The following HDAC9 variants were observed in gnomAD, a reference collection of about 807,000 sequenced individuals.
HDAC9 encodes MEF-2 interacting transcription repressor (MITR) protein.
A neutral mutation model predicts 139.4 loss-of-function variants in HDAC9; 41 were observed. The observed-to-expected ratio is 0.29, with a 90% CI of 0.23 to 0.38. The LOEUF is 0.38. Ranked by LOEUF, HDAC9 falls within the 10% of genes least tolerant of loss-of-function variation. The pLI, the probability that HDAC9 is intolerant of heterozygous loss-of-function variation, is 1.00. For synonymous variants in HDAC9, 517 were observed against 476.2 expected (o/e 1.09, Z -1.12); for missense variants, 1,147 against 1,297.0 (o/e 0.88, Z 1.78).
chr7:18,743,008 A>G (rs1445919161), intron 13 of HDAC9, among the ~76,000 whole-genome samples: 1 of 152,228 alleles, frequency 6.6e-6, no homozygotes, highest in Non-Finnish European at 1.5e-5. Context: ...ATAGTAAATC[A>G]TGTTCACTGA....
intron 1 of HDAC9, among the ~76,000 whole-genome samples, chr7:18,115,629 T>A (rs1783929420): frequency 6.6e-6 from 1 of 152,224 alleles, no homozygotes; most frequent in South Asian, 2.1e-4. Flanking sequence ...TTCAAATCGG[T>A]TATTTGACCA....
intron 14 of HDAC9, among the ~76,000 whole-genome samples, chr7:18,754,559 T>C (rs1207253914): frequency 3.3e-5 from 5 of 152,144 alleles, no homozygotes; most frequent in Non-Finnish European, 7.4e-5. Context: ...TGCGTTGCCT[T>C]TTTGTGACTA....
chr7:18,200,581 C>T (rs1028536893), intron 2 of HDAC9, among the ~76,000 whole-genome samples: 12 of 152,106 alleles, frequency 7.9e-5, no homozygotes, highest in African/African-American at 2.9e-4. Context: ...CCCTAAAAGC[C>T]GTAATTCATC....
At chr7:18,698,443 C>T (rs1227233353) in intron 12 of HDAC9, among the ~76,000 whole-genome samples, 2 of 152,092 alleles carry the variant, frequency 1.3e-5, no homozygotes, top group Non-Finnish European at 2.9e-5. Flanking sequence ...TACAAATAGC[C>T]CTGGGGAGCT....
At chr7:18,985,350 G>A (rs150632468) in intron 25 of HDAC9, among the ~76,000 whole-genome samples, 1 of 152,048 alleles carries the variant, frequency 6.6e-6, no homozygotes, top group Non-Finnish European at 1.5e-5. Flanking sequence ...ATAGTTTACT[G>A]AGAATGATGT....
chr7:18,755,322 A>T (rs1788782782), intron 14 of HDAC9, among the ~76,000 whole-genome samples: 1 of 152,196 alleles, frequency 6.6e-6, no homozygotes, highest in Non-Finnish European at 1.5e-5. Flanking sequence ...GAAAGAATTA[A>T]TGTGGAAAAC....
chr7:18,124,424 C>T (rs1203201844), intron 1 of HDAC9, among the ~76,000 whole-genome samples: 1 of 152,148 alleles, frequency 6.6e-6, no homozygotes, highest in African/African-American at 2.4e-5. Flanking sequence ...TTGTTTATTC[C>T]TCAGTTTATT....
chr7:18,733,889 T>C (rs893741665), intron 13 of HDAC9, among the ~76,000 whole-genome samples: 2 of 152,166 alleles, frequency 1.3e-5, no homozygotes, highest in African/African-American at 4.8e-5. Context: ...CGTTTCTTTG[T>C]GGGAAGCCTG....
intron 21 of HDAC9, among the ~76,000 whole-genome samples, chr7:18,859,305 T>C (rs1343265761): frequency 6.6e-6 from 1 of 152,150 alleles, no homozygotes; most frequent in African/African-American, 2.4e-5. Flanking sequence ...ATAAACTATT[T>C]TTTTAGTTTT....
intron 1 of HDAC9, among the ~76,000 whole-genome samples, chr7:18,343,785 C>T (rs1554382392): frequency 6.6e-6 from 1 of 151,728 alleles, no homozygotes; most frequent in Non-Finnish European, 1.5e-5. Context: ...CTCAAGAAAA[C>T]ATTATTTTCT....
intron 1 of HDAC9, among the ~76,000 whole-genome samples, chr7:18,097,085 A>T (rs1429511956): frequency 6.6e-6 from 1 of 152,208 alleles, no homozygotes; most frequent in Non-Finnish European, 1.5e-5. Flanking sequence ...AATTTAGCAA[A>T]TGTGGCCAAT....
intron 21 of HDAC9, among the ~76,000 whole-genome samples, chr7:18,862,296 C>A (rs1798168903): frequency 6.6e-6 from 1 of 151,980 alleles, no homozygotes; most frequent in African/African-American, 2.4e-5. Context: ...AAAAAGTGTC[C>A]CTTTGGTGTA....
chr7:18,403,737 G>A (rs1174598155), intron 1 of HDAC9, among the ~76,000 whole-genome samples: 1 of 152,214 alleles, frequency 6.6e-6, no homozygotes, highest in Non-Finnish European at 1.5e-5. Flanking sequence ...GGCAAAAACA[G>A]TTCTTGCCTT....
chr7:18,371,964 A>T (rs540890381), intron 1 of HDAC9, among the ~76,000 whole-genome samples: 122 of 152,348 alleles, frequency 8.0e-4, no homozygotes, highest in African/African-American at 2.9e-3. Flanking sequence ...GTAATGACAG[A>T]TCTTATGCTA....
chr7:18,418,400 T>A lies in HDAC9; in HGVS notation c.-41-77862T>A, dbSNP rs576265548. Among the ~76,000 whole-genome samples, 289 of 108,218 alleles carry A rather than the reference T, an allele frequency of 2.7e-3. 1 individual carries two copies. Among genetic ancestry groups the A allele is most frequent in the South Asian group, 0.019 (63 of 3,392 alleles). 71.0% of individuals were successfully genotyped at this position (108,218 alleles called of 152,430 possible). ...CAGAAAATAAAAACTTGCCTTTTTT[T>A]AAAAATTGGAAAAGTATACAAACCA... is the stretch of plus-strand genomic sequence containing the variant. On this transcript the variant is annotated intron_variant, in intron 1 of 3. Transcript: ENST00000413509.
chr7:18,559,370 T>C (rs1011071563), intron 2 of HDAC9, among the ~76,000 whole-genome samples: 5 of 152,304 alleles, frequency 3.3e-5, no homozygotes, highest in South Asian at 2.1e-4. Context: ...GTTTATACTT[T>C]AGATTTCTCA....
intron 17 of HDAC9, among the ~76,000 whole-genome samples, chr7:18,817,708 G>A (rs949216169): frequency 1.3e-5 from 2 of 152,122 alleles, no homozygotes; most frequent in African/African-American, 4.8e-5. Context: ...AAGATGATTG[G>A]GAGGTTAGAA....
intron 1 of HDAC9, among the ~76,000 whole-genome samples, chr7:18,420,365 G>A (rs1250235100): frequency 1.3e-5 from 2 of 152,112 alleles, no homozygotes; most frequent in Non-Finnish European, 2.9e-5. Flanking sequence ...AAAGTTCAAT[G>A]TGCTCAGCTT....
At chr7:18,168,587 C>T (rs934976893) in intron 2 of HDAC9, among the ~76,000 whole-genome samples, 20 of 149,282 alleles carry the variant, frequency 1.3e-4, no homozygotes, top group South Asian at 2.1e-4. Flanking sequence ...TGTGTGTGTA[C>T]GTGTGTGGTG....
Sources: allele counts gnomAD v4.1 joint callset (sites outside exome capture counted in the v4.1 genomes callset), GRCh38; gene constraint gnomAD v4.1.1; transcripts MANE v1.5; gene names NCBI Gene and HGNC (gene_info 2026-07-23, HGNC 2026-07-21).